The following MAPKAP1 variants were observed in gnomAD, a reference collection of about 807,000 sequenced individuals.
MAPKAP1 encodes target of rapamycin complex 2 subunit MAPKAP1.
A neutral mutation model predicts 65.7 loss-of-function variants in MAPKAP1; 20 were observed. The ratio of observed to expected loss-of-function variants is 0.30; its 90% CI spans 0.21 to 0.44. The LOEUF (loss-of-function observed/expected upper bound fraction) is 0.44, where lower values mean the gene tolerates loss of function less well. MAPKAP1 is among the 20% of genes least tolerant of loss of function. The pLI is 1.00. For synonymous variants in MAPKAP1, 222 were observed against 244.3 expected (o/e 0.91, Z 0.85); for missense variants, 423 against 648.0 (o/e 0.65, Z 3.77).
intron 1 of MAPKAP1, among the ~76,000 whole-genome samples, chr9:125,693,507 A>G (rs968134365): frequency 3.5e-5 from 5 of 142,224 alleles, no homozygotes; most frequent in African/African-American, 1.1e-4. Flanking sequence ...ACATATATAC[A>G]CATACACACA....
intron 1 of MAPKAP1, among the ~76,000 whole-genome samples, chr9:125,686,124 G>A (rs1339565223): frequency 6.6e-6 from 1 of 151,994 alleles, no homozygotes; most frequent in East Asian, 1.9e-4. Flanking sequence ...AGACCATCCT[G>A]GCTAACACGG....
chr9:125,461,843 C>T (rs1471748898), intron 10 of MAPKAP1, among the ~76,000 whole-genome samples: 1 of 152,170 alleles, frequency 6.6e-6, no homozygotes, highest in African/African-American at 2.4e-5. Context: ...TGAGGAAGGG[C>T]TGTTGCCTTC....
chr9:125,607,409 C>T (rs1832469140), intron 4 of MAPKAP1, among the ~76,000 whole-genome samples: 1 of 152,192 alleles, frequency 6.6e-6, no homozygotes, highest in Non-Finnish European at 1.5e-5. Flanking sequence ...TCAGATATCA[C>T]CCCATACATT....
intron 4 of MAPKAP1, among the ~76,000 whole-genome samples, chr9:125,605,501 CA>C (rs1832414765): frequency 6.6e-6 from 1 of 152,188 alleles, no homozygotes; most frequent in South Asian, 2.1e-4. Context: ...CACCGTTTCA[CA>C]AATCATCCCT....
chr9:125,689,176 G>A (rs1461115516), intron 1 of MAPKAP1, among the ~76,000 whole-genome samples: 6 of 152,218 alleles, frequency 3.9e-5, no homozygotes, highest in Middle Eastern at 3.4e-3. Context: ...GGTGGCTCAC[G>A]CCTGTAATCC....
intron 4 of MAPKAP1, among the ~76,000 whole-genome samples, chr9:125,618,447 A>G (rs1230517874): frequency 6.6e-6 from 1 of 151,910 alleles, no homozygotes; most frequent in Non-Finnish European, 1.5e-5. Context: ...GAAAGCAGGA[A>G]AATAAAATCT....
At chr9:125,487,602 A>C (rs951370807) in intron 8 of MAPKAP1, among the ~76,000 whole-genome samples, 2 of 145,858 alleles carry the variant, frequency 1.4e-5, no homozygotes, top group Non-Finnish European at 3.0e-5. Flanking sequence ...CATTATGCTA[A>C]AATGCCAATT....
intron 5 of MAPKAP1, among the ~76,000 whole-genome samples, chr9:125,578,071 AT>A (rs1291292843): frequency 6.6e-6 from 1 of 152,066 alleles, no homozygotes; most frequent in South Asian, 2.1e-4. Flanking sequence ...GAGACTTTTC[AT>A]TTTGTTCTGT....
At chr9:125,615,598 C>T (rs1334306113) in intron 4 of MAPKAP1, among the ~76,000 whole-genome samples, 1 of 146,072 alleles carries the variant, frequency 6.8e-6, no homozygotes, top group African/African-American at 2.6e-5. Context: ...TAAGAATATA[C>T]AAGACACTCA....
chr9:125,635,776 T>C (rs1833405654), intron 4 of MAPKAP1, among the ~76,000 whole-genome samples: 1 of 152,216 alleles, frequency 6.6e-6, no homozygotes, highest in Non-Finnish European at 1.5e-5. Flanking sequence ...TTAAGGTAAG[T>C]CTTTATACAG....
At chr9:125,588,199 C>T (rs1006106979) in intron 4 of MAPKAP1, among the ~76,000 whole-genome samples, 2 of 152,064 alleles carry the variant, frequency 1.3e-5, no homozygotes, top group African/African-American at 2.4e-5. Context: ...TAAACAAAAT[C>T]CATACAATAG....
At chr9:125,541,231 T>A (rs1434602799) in intron 7 of MAPKAP1, among the ~76,000 whole-genome samples, 2 of 152,164 alleles carry the variant, frequency 1.3e-5, no homozygotes, top group African/African-American at 4.8e-5. Flanking sequence ...AATGTGTGTA[T>A]GATAAACGCT....
intron 1 of MAPKAP1, among the ~76,000 whole-genome samples, chr9:125,677,603 T>G (rs1834688268): frequency 6.6e-6 from 1 of 151,960 alleles, no homozygotes; most frequent in Admixed American, 6.6e-5. Flanking sequence ...GGCTGAGGCA[T>G]GAAAATCTCT....
chr9:125,487,530 T>G (rs1002162970), intron 8 of MAPKAP1, among the ~76,000 whole-genome samples: 1 of 152,040 alleles, frequency 6.6e-6, no homozygotes, highest in Non-Finnish European at 1.5e-5. Context: ...AACTTCTGTT[T>G]GCTTTACTAA....
intron 5 of MAPKAP1, among the ~76,000 whole-genome samples, chr9:125,577,337 G>C (rs1185615226): frequency 6.6e-6 from 1 of 150,442 alleles, no homozygotes; most frequent in South Asian, 2.1e-4. Flanking sequence ...CACCCCGTCT[G>C]GTAAGTGAGG....
intron 3 of MAPKAP1, 105 bp downstream of exon 3, chr9:125,669,713 A>G: frequency 1.8e-6 from 1 of 550,304 alleles, no homozygotes; most frequent in Admixed American, 3.4e-5. Flanking sequence ...CACTAGAGGT[A>G]TCTAAGTCCA....
At chr9:125,612,208 G>A (rs1003720113) in intron 4 of MAPKAP1, among the ~76,000 whole-genome samples, 2 of 152,146 alleles carry the variant, frequency 1.3e-5, no homozygotes, top group African/African-American at 4.8e-5. Context: ...GATTTTCAGA[G>A]TAAGAATGCT....
At chr9:125,700,289 T>A (rs1402427744) in intron 1 of MAPKAP1, among the ~76,000 whole-genome samples, 1 of 152,232 alleles carries the variant, frequency 6.6e-6, no homozygotes, top group African/African-American at 2.4e-5. Context: ...TACTTATTTA[T>A]AACACAGTAC....
chr9:125,530,840 C>T (rs1487059585), intron 7 of MAPKAP1, among the ~76,000 whole-genome samples: 1 of 152,196 alleles, frequency 6.6e-6, no homozygotes, highest in African/African-American at 2.4e-5. Flanking sequence ...AAACCAAAAC[C>T]TAAAGAGAAA....
Sources: allele counts gnomAD v4.1 joint callset (sites outside exome capture counted in the v4.1 genomes callset), GRCh38; gene constraint gnomAD v4.1.1; transcripts MANE v1.5; gene names NCBI Gene and HGNC (gene_info 2026-07-23, HGNC 2026-07-21).